The following NEMP2 variants were observed in gnomAD, a reference collection of about 807,000 sequenced individuals.
The protein encoded by NEMP2 is UPF0571 transmembrane protein.
A neutral mutation model predicts 54.2 loss-of-function variants in NEMP2; 53 were observed. The observed-to-expected ratio is 0.98, with a 90% CI of 0.78 to 1.23. The LOEUF is 1.23. Ranked by LOEUF, NEMP2 falls within the 50% of genes most tolerant of loss-of-function variation. NEMP2 has a pLI of 0.00. For synonymous variants in NEMP2, 197 were observed against 190.3 expected (o/e 1.04, Z -0.29); for missense variants, 455 against 511.3 (o/e 0.89, Z 1.06).
the NEMP2 span, among the ~76,000 whole-genome samples, chr2:190,494,388 A>G: frequency 6.6e-6 from 1 of 152,322 alleles, no homozygotes; most frequent in African/African-American, 2.4e-5. The surrounding 1 kb of genome is among the most constrained non-coding windows in gnomAD (Gnocchi z 5.7). Context: ...GTCCAGGACC[A>G]GATGGAGTCA....
chr2:190,511,494 T>G (rs1408394530), intron 7 of NEMP2, among the ~76,000 whole-genome samples: 2 of 151,812 alleles, frequency 1.3e-5, no homozygotes, highest in African/African-American at 2.4e-5. Flanking sequence ...CTCATAAAAA[T>G]AGTAACAATA....
the NEMP2 span, among the ~76,000 whole-genome samples, chr2:190,540,767 C>T: frequency 6.6e-6 from 1 of 151,992 alleles, no homozygotes; most frequent in Non-Finnish European, 1.5e-5. Flanking sequence ...AGATGTATTC[C>T]CTCCTCAATT....
At chr2:190,444,604 GTTTT>G in the NEMP2 span, among the ~76,000 whole-genome samples, 2 of 152,078 alleles carry the variant, frequency 1.3e-5, no homozygotes, top group African/African-American at 2.4e-5. Context: ...TCAGTTTTGT[GTTTT>G]TTGTTTGTGT....
At chr2:190,575,760 G>T in the NEMP2 span, among the ~76,000 whole-genome samples, 30 of 152,232 alleles carry the variant, frequency 2.0e-4, 1 homozygote, top group African/African-American at 6.5e-4. Context: ...GGAGGCTGAG[G>T]CAGGAGAGTC....
chr2:190,445,484 G>T, the NEMP2 span, among the ~76,000 whole-genome samples: 1 of 130,914 alleles, frequency 7.6e-6, no homozygotes, highest in African/African-American at 2.7e-5. Flanking sequence ...ACTATACCCT[G>T]TTTAAAGAAC....
chr2:190,577,201 T>G, the NEMP2 span, among the ~76,000 whole-genome samples: 1 of 152,154 alleles, frequency 6.6e-6, no homozygotes, highest in Non-Finnish European at 1.5e-5. The surrounding 1 kb of genome is among the most constrained non-coding windows in gnomAD (Gnocchi z 4.8). Flanking sequence ...AATGCAAAAT[T>G]TATATGTTAG....
chr2:190,622,115 C>T, the NEMP2 span, among the ~76,000 whole-genome samples: 6 of 150,784 alleles, frequency 4.0e-5, no homozygotes, highest in East Asian at 1.2e-3. Flanking sequence ...AAATAAAGTG[C>T]TGAGAAGCTG....
chr2:190,511,831 G>A (rs556403271), intron 7 of NEMP2, among the ~76,000 whole-genome samples: 6 of 151,562 alleles, frequency 4.0e-5, no homozygotes, highest in African/African-American at 1.4e-4. Context: ...TGGGATTACA[G>A]GCATGAGCCA....
the NEMP2 span, among the ~76,000 whole-genome samples, chr2:190,564,017 C>A: frequency 1.3e-5 from 2 of 152,248 alleles, no homozygotes; most frequent in Admixed American, 1.3e-4. The surrounding 1 kb of genome is among the most constrained non-coding windows in gnomAD (Gnocchi z 4.2). Flanking sequence ...AAAGTCACTC[C>A]TGAGTCCTCT....
rs886241595 is a variant in NEMP2 at position 190,519,263 on chromosome 2, C to G, written c.214-80G>C. On this transcript the variant is annotated intron_variant, in intron 2 of 8. Coordinates refer to ENST00000409150, the MANE Select transcript of NEMP2 (RefSeq NM_001142645.2). This position sits in a 1 kb window ranked among gnomAD's most constrained non-coding sequence, Gnocchi z 5.4. ...TGGAGACAGGGTCTCCCTCTGTTGC[C>G]CAGAATGGAGTGCAGTGGCAGGATC... 2 of 1,021,102 alleles carry G rather than the reference C, an allele frequency of 2.0e-6. No homozygotes were observed. Among genetic ancestry groups the G allele is most frequent in the African/African-American group, 3.2e-5 (2 of 62,364 alleles). 63.3% of individuals were successfully genotyped at this position (1,021,102 alleles called of 1,614,324 possible). A position where few individuals can be genotyped will look rare whatever the true frequency, so the allele number is the denominator to read the frequency against.
the NEMP2 span, among the ~76,000 whole-genome samples, chr2:190,477,829 A>C: frequency 3.9e-5 from 6 of 152,200 alleles, no homozygotes; most frequent in African/African-American, 1.2e-4. Flanking sequence ...TTTGTGAAGC[A>C]GGGAGTGGGA....
At chr2:190,460,104 T>C in the NEMP2 span, among the ~76,000 whole-genome samples, 140 of 152,338 alleles carry the variant, frequency 9.2e-4, 1 homozygote, top group Non-Finnish European at 1.4e-3. Flanking sequence ...GATAGGCTTG[T>C]GGTGAGCAGA....
At chr2:190,566,755 AAGG>A in the NEMP2 span, among the ~76,000 whole-genome samples, 151 of 151,096 alleles carry the variant, frequency 1.0e-3, no homozygotes, top group South Asian at 3.3e-3. Flanking sequence ...AAAAAAAAGA[AAGG>A]AAGGAAGGAA....
At chr2:190,557,878 G>A in the NEMP2 span, among the ~76,000 whole-genome samples, 2 of 152,174 alleles carry the variant, frequency 1.3e-5, no homozygotes, top group African/African-American at 4.8e-5. Context: ...GTTGGTGGGA[G>A]TGTAAATTAG....
the NEMP2 span, among the ~76,000 whole-genome samples, chr2:190,589,956 ATAGAG>A: frequency 6.6e-6 from 1 of 152,158 alleles, no homozygotes; most frequent in Non-Finnish European, 1.5e-5. This position sits in a 1 kb window ranked among gnomAD's most constrained non-coding sequence, Gnocchi z 4.3. Context: ...CCAGTCTCTG[ATAGAG>A]TACCAGGACT....
the NEMP2 span, chr2:190,469,728 ATTTTAT>A: frequency 5.8e-5 from 60 of 1,025,748 alleles, 2 homozygotes; most frequent in African/African-American, 1.2e-3. This position sits in a 1 kb window ranked among gnomAD's most constrained non-coding sequence, Gnocchi z 5.3. Flanking sequence ...GCTTTTTTTT[ATTTTAT>A]TTTTATTTTT....
At chr2:190,576,705 T>C in the NEMP2 span, among the ~76,000 whole-genome samples, 2 of 152,092 alleles carry the variant, frequency 1.3e-5, no homozygotes, top group Non-Finnish European at 2.9e-5. Flanking sequence ...ATACATGTGG[T>C]GATAGCAACC....
At chr2:190,612,474 C>T in the NEMP2 span, among the ~76,000 whole-genome samples, 1 of 152,056 alleles carries the variant, frequency 6.6e-6, no homozygotes, top group Non-Finnish European at 1.5e-5. Flanking sequence ...TTTTAAACAA[C>T]CAGTTATTTT....
chr2:190,445,270 C>T, the NEMP2 span, among the ~76,000 whole-genome samples: 2 of 152,082 alleles, frequency 1.3e-5, no homozygotes, highest in African/African-American at 2.4e-5. Flanking sequence ...AAGAAGCAGT[C>T]GGAGATGCTG....
Sources: allele counts gnomAD v4.1 joint callset (sites outside exome capture counted in the v4.1 genomes callset), GRCh38; gene constraint gnomAD v4.1.1; non-coding constraint Gnocchi (gnomAD v3.1); transcripts MANE v1.5; gene names NCBI Gene and HGNC (gene_info 2026-07-23, HGNC 2026-07-21).